The following FAM171A1 variants were observed in gnomAD, a reference collection of about 807,000 sequenced individuals.
The protein encoded by FAM171A1 is family with sequence similarity 171 member A1.
A neutral mutation model predicts 74.9 loss-of-function variants in FAM171A1; 23 were observed. That is an observed-to-expected ratio of 0.31 (90% CI 0.22 to 0.44). The LOEUF (loss-of-function observed/expected upper bound fraction) is 0.44, where lower values mean the gene tolerates loss of function less well. FAM171A1 is among the 20% of genes least tolerant of loss of function. FAM171A1 has a pLI of 1.00. For missense variants in FAM171A1, 1,162 were observed against 1,159.2 expected (o/e 1.00, Z -0.03); for synonymous variants, 527 against 505.7 (o/e 1.04, Z -0.57).
At chr10:15,350,993 C>T (rs1211128451) in intron 1 of FAM171A1, among the ~76,000 whole-genome samples, 2 of 152,116 alleles carry the variant, frequency 1.3e-5, no homozygotes, top group African/African-American at 4.8e-5. Context: ...GCTCAAAAGT[C>T]ACTGCCCTGG....
In FAM171A1 at chr10:15,284,027, TTGGTGAAGATCTCGA is replaced by T; in HGVS notation, c.161_175del (p.Ile54_Thr58del). 1.2e-6 allele frequency: 2 copies of T among 1,614,150 alleles called. No homozygotes were observed. The highest frequency in any genetic ancestry group is 1.7e-6 in the Non-Finnish European group (2 of 1,180,026). On this transcript the variant is annotated inframe_deletion, in exon 2 of 8. Transcript: ENST00000378116. ...GGTGCCAGAGGCTATGGAGGCCTGG[TTGGTGAAGATCTCGA>T]TGAGCGCATCTGCTACGGGCTGGTG...
At chr10:15,264,006 T>G (rs1271593740) in intron 3 of FAM171A1, among the ~76,000 whole-genome samples, 1 of 151,962 alleles carries the variant, frequency 6.6e-6, no homozygotes, top group Non-Finnish European at 1.5e-5. Flanking sequence ...TGAGACAGAG[T>G]CTTGCTCTGT....
chr10:15,358,691 C>G (rs374068315), intron 1 of FAM171A1, among the ~76,000 whole-genome samples: 11 of 152,318 alleles, frequency 7.2e-5, no homozygotes, highest in African/African-American at 2.4e-4. Context: ...CATGCAGTAT[C>G]AAGTACCAAG....
chr10:15,225,691 G>A (rs182021269), intron 5 of FAM171A1, among the ~76,000 whole-genome samples: 76 of 152,282 alleles, frequency 5.0e-4, no homozygotes, highest in African/African-American at 1.5e-3. Flanking sequence ...ATATGGGACC[G>A]CTGGGTGTTG....
chr10:15,304,133 C>T (rs1835265641), intron 1 of FAM171A1, among the ~76,000 whole-genome samples: 1 of 152,230 alleles, frequency 6.6e-6, no homozygotes, highest in Non-Finnish European at 1.5e-5. Context: ...TGCTATAATC[C>T]TCAACCCTTC....
intron 3 of FAM171A1, among the ~76,000 whole-genome samples, chr10:15,272,322 CAATTCAACA>C (rs943498745): frequency 6.6e-6 from 1 of 152,148 alleles, no homozygotes; most frequent in African/African-American, 2.4e-5. Flanking sequence ...GTAAAGGGAT[CAATTCAACA>C]AGAAGAGCTA....
At chr10:15,346,760 C>T (rs1184236203) in intron 1 of FAM171A1, among the ~76,000 whole-genome samples, 2 of 152,188 alleles carry the variant, frequency 1.3e-5, no homozygotes, top group East Asian at 1.9e-4. Context: ...AAATCAAAGC[C>T]CTGTGAACTA....
chr10:15,220,521 T>C (rs1282340687), intron 6 of FAM171A1, among the ~76,000 whole-genome samples: 1 of 152,182 alleles, frequency 6.6e-6, no homozygotes, highest in Non-Finnish European at 1.5e-5. Flanking sequence ...GTTTAAGCCA[T>C]TTTGGAAATG....
chr10:15,283,455 C>A (rs1834995435), intron 2 of FAM171A1, among the ~76,000 whole-genome samples: 1 of 152,194 alleles, frequency 6.6e-6, no homozygotes, highest in Non-Finnish European at 1.5e-5. Context: ...AAAGCAGTGG[C>A]CTCAAGCTTT....
intron 1 of FAM171A1, among the ~76,000 whole-genome samples, chr10:15,289,511 G>A (rs1835078464): frequency 1.3e-5 from 2 of 152,154 alleles, no homozygotes; most frequent in Admixed American, 6.5e-5. Context: ...TTGTACCCTC[G>A]TGAACACTGC....
chr10:15,351,567 C>CCATGGATGGATGGATGGATG (rs1554757200), intron 1 of FAM171A1, among the ~76,000 whole-genome samples: 89 of 146,468 alleles, frequency 6.1e-4, no homozygotes, highest in Non-Finnish European at 3.5e-4. Context: ...AAAGTAGGGA[C>CCATGGATGGATGGATGGATG]GATGGATGGA....
At chr10:15,268,323 ACCTACTGCAGT>A (rs908559986) in intron 3 of FAM171A1, among the ~76,000 whole-genome samples, 4 of 152,014 alleles carry the variant, frequency 2.6e-5, no homozygotes, top group African/African-American at 9.7e-5. Flanking sequence ...CCCGTTAAAA[ACCTACTGCAGT>A]GCCTGAGGGG....
At chr10:15,223,794 G>T (rs1834070053) in intron 5 of FAM171A1, among the ~76,000 whole-genome samples, 1 of 152,210 alleles carries the variant, frequency 6.6e-6, no homozygotes, top group African/African-American at 2.4e-5. Flanking sequence ...AGCAACTGGG[G>T]TGGCTGAGGC....
At chr10:15,357,241 C>T (rs565002777) in intron 1 of FAM171A1, among the ~76,000 whole-genome samples, 12 of 152,238 alleles carry the variant, frequency 7.9e-5, no homozygotes, top group Admixed American at 2.0e-4. Flanking sequence ...CGAGACCACA[C>T]CATTGCACTC....
intron 1 of FAM171A1, among the ~76,000 whole-genome samples, chr10:15,291,831 G>T (rs1043468840): frequency 2.6e-5 from 4 of 152,058 alleles, no homozygotes. Context: ...CTCTCCCCCA[G>T]ATACCCAGCC....
intron 1 of FAM171A1, among the ~76,000 whole-genome samples, chr10:15,287,305 G>C (rs998798074): frequency 3.3e-5 from 5 of 151,264 alleles, no homozygotes; most frequent in Admixed American, 1.3e-4. Flanking sequence ...TGTTAGCCAG[G>C]ATGGTCTCCA....
chr10:15,299,220 G>A (rs1375879965), intron 1 of FAM171A1, among the ~76,000 whole-genome samples: 1 of 152,130 alleles, frequency 6.6e-6, no homozygotes, highest in African/African-American at 2.4e-5. Flanking sequence ...CGCCAGGCCA[G>A]TTTTGTTGAT....
chr10:15,236,241 A>G (rs2131740524), intron 5 of FAM171A1, among the ~76,000 whole-genome samples: 1 of 151,996 alleles, frequency 6.6e-6, no homozygotes, highest in South Asian at 2.1e-4. Context: ...TTAAATTTAA[A>G]AACAGTAAGG....
At chr10:15,237,317 C>T (rs1016129516) in intron 5 of FAM171A1, among the ~76,000 whole-genome samples, 3 of 152,022 alleles carry the variant, frequency 2.0e-5, no homozygotes, top group African/African-American at 7.2e-5. Context: ...ACAAAAGTGC[C>T]CCCTGAACCC....
Sources: allele counts gnomAD v4.1 joint callset (sites outside exome capture counted in the v4.1 genomes callset), GRCh38; gene constraint gnomAD v4.1.1; transcripts MANE v1.5; gene names NCBI Gene and HGNC (gene_info 2026-07-23, HGNC 2026-07-21).